The following PTCHD4 variants were observed in gnomAD, a reference collection of about 807,000 sequenced individuals.
PTCHD4 encodes the protein patched domain containing 4, also known as patched domain-containing protein 4.
In PTCHD4, 33 loss-of-function variants were observed where a neutral mutation model predicts 58.1. The observed-to-expected ratio is 0.57, with a 90% CI of 0.43 to 0.76. The LOEUF (loss-of-function observed/expected upper bound fraction) is 0.76. PTCHD4 is among the 30% of genes least tolerant of loss of function. PTCHD4 has a pLI of 0.00. For synonymous variants in PTCHD4, 478 were observed against 409.6 expected (o/e 1.17, Z -2.02); for missense variants, 1,058 against 1,027.1 (o/e 1.03, Z -0.41).
In PTCHD4 at chr6:47,895,674, A is replaced by G. The variant is rs111281193; in HGVS notation, c.899-15738T>C. Among the ~76,000 whole-genome samples, 354 of 152,286 alleles carry G rather than the reference A, an allele frequency of 2.3e-3. 4 individuals are homozygous for G. Among genetic ancestry groups the G allele is most frequent in the South Asian group, 0.017 (81 of 4,824 alleles). ...CTCCTTCCACGTGCCCAACAAGTAC[A>G]TAAGTTGCACAGATATTTTCTAGAA... On this transcript the variant is annotated intron_variant, in intron 4 of 4. Coordinates refer to ENST00000339488, the MANE Select transcript of PTCHD4 (RefSeq NM_001384253.1).
At chr6:47,947,743 G>A (rs1766479894) in intron 4 of PTCHD4, among the ~76,000 whole-genome samples, 1 of 151,762 alleles carries the variant, frequency 6.6e-6, no homozygotes, top group Non-Finnish European at 1.5e-5. Flanking sequence ...ATAAATATTT[G>A]GATATGGATA....
At chr6:48,070,788 A>G (rs1049159605) in intron 1 of PTCHD4, among the ~76,000 whole-genome samples, 2 of 152,178 alleles carry the variant, frequency 1.3e-5, no homozygotes, top group African/African-American at 2.4e-5. Context: ...CCACTGTCAG[A>G]TCTTTTTCTC....
chr6:47,943,535 C>T (rs796527727), intron 4 of PTCHD4, among the ~76,000 whole-genome samples: 21 of 152,196 alleles, frequency 1.4e-4, no homozygotes, highest in African/African-American at 4.6e-4. Flanking sequence ...GAGTCAATTA[C>T]AGTGCTTTAA....
At chr6:48,093,725 T>C (rs920109894) in intron 1 of PTCHD4, among the ~76,000 whole-genome samples, 5 of 148,998 alleles carry the variant, frequency 3.4e-5, no homozygotes, top group African/African-American at 1.3e-4. Flanking sequence ...ATTAATTAAC[T>C]ATAACTTTAA....
rs556886481 is a variant in PTCHD4, at chr6:48,045,701, T to C, written c.417+22529A>G. Among the ~76,000 whole-genome samples, 9 of 151,910 alleles carry C rather than the reference T, an allele frequency of 5.9e-5. No individual in the cohort carries two copies. In the South Asian group the frequency reaches 1.2e-3, roughly 21 times the overall value. ...AAAGGCTTGGAGATAACATCATTTA[T>C]TCAATATCACACAGCTATAAAGTAA... On this transcript the variant is annotated intron_variant, in intron 3 of 4. Transcript: ENST00000339488.
chr6:48,052,372 G>A (rs1023610856), intron 3 of PTCHD4, among the ~76,000 whole-genome samples: 9 of 151,852 alleles, frequency 5.9e-5, no homozygotes, highest in African/African-American at 2.2e-4. Flanking sequence ...GGAATGACTG[G>A]TTCTCCTTCT....
chr6:47,893,241 C>T (rs937505327), intron 4 of PTCHD4, among the ~76,000 whole-genome samples: 1 of 152,100 alleles, frequency 6.6e-6, no homozygotes, highest in African/African-American at 2.4e-5. Context: ...TATCTCTTGA[C>T]CTCATGATCT....
chr6:48,083,975 TC>T (rs1765213414), intron 1 of PTCHD4, among the ~76,000 whole-genome samples: 1 of 152,130 alleles, frequency 6.6e-6, no homozygotes, highest in African/African-American at 2.4e-5. Flanking sequence ...GAGCTAAATA[TC>T]TGTGAGATAA....
At chr6:48,110,122 A>G (rs1053366280) in intron 1 of PTCHD4, among the ~76,000 whole-genome samples, 12 of 152,172 alleles carry the variant, frequency 7.9e-5, no homozygotes, top group Non-Finnish European at 1.8e-4. Flanking sequence ...TTCAAAAGGA[A>G]AATGAAATCA....
Position 48,002,115 on chromosome 6 carries a change from G to A in PTCHD4, c.898+6519C>T, listed in dbSNP as rs1019284935. ...TCATTAAAAAGTCAGGAAACAACAG[G>A]TGCTGGAGAGGATGTGGAGAAATAG... is the stretch of plus-strand genomic sequence containing the variant. On this transcript the variant is annotated intron_variant, in intron 4 of 4. Transcript: ENST00000339488. Among the ~76,000 whole-genome samples the A allele has an allele frequency of 3.7e-4, 57 of 152,174 alleles. 1 individual carries two copies. Among genetic ancestry groups the A allele is most frequent in the Admixed American group, 2.7e-3 (42 of 15,284 alleles).
rs773331588 is a variant in PTCHD4 at position 47,878,380 on chromosome 6, G to T, written c.2455C>A (p.Arg819Ser). ...PSKKHHKKKK[R>S]AKRKEREEIE... Reference sequence around the variant, plus strand: ...TCCTCTCTCTCCTTTCGCTTGGCACGTTTCTTTTTCTTGTGGTGCTTTTTG... The same window carrying T: ...TCCTCTCTCTCCTTTCGCTTGGCACTTTTCTTTTTCTTGTGGTGCTTTTTG... Residue 819 changes from arginine (R) to serine (S), a missense_variant, in exon 5 of 5, where the codon CGT becomes AGT. Physicochemically the swap from Arg to Ser is moderately radical, Grantham distance 110. Transcript: ENST00000339488. 1 of 1,612,390 alleles carries T rather than the reference G, an allele frequency of 6.2e-7. No individual in the cohort carries two copies. The highest frequency in any genetic ancestry group is 8.5e-7 in the Non-Finnish European group (1 of 1,179,384).
At chr6:47,921,487 A>T (rs374946204) in intron 4 of PTCHD4, among the ~76,000 whole-genome samples, 13 of 152,318 alleles carry the variant, frequency 8.5e-5, no homozygotes, top group African/African-American at 2.9e-4. Context: ...CACTTGAAAT[A>T]AGACAATATT....
At chr6:48,090,743 A>G (rs1220234319) in intron 1 of PTCHD4, among the ~76,000 whole-genome samples, 2 of 152,236 alleles carry the variant, frequency 1.3e-5, no homozygotes, top group East Asian at 1.9e-4. Flanking sequence ...GCTGGGCTCC[A>G]TAAATGTTCA....
chr6:47,933,005 A>C (rs1765876077), intron 4 of PTCHD4, among the ~76,000 whole-genome samples: 1 of 152,228 alleles, frequency 6.6e-6, no homozygotes, highest in African/African-American at 2.4e-5. Flanking sequence ...GATGACACAT[A>C]ATGTAGGCCA....
chr6:47,902,902 T>C (rs1263439389), intron 4 of PTCHD4, among the ~76,000 whole-genome samples: 1 of 152,200 alleles, frequency 6.6e-6, no homozygotes, highest in African/African-American at 2.4e-5. Context: ...TGGAGCTCTC[T>C]AAAAAGAGCG....
intron 4 of PTCHD4, among the ~76,000 whole-genome samples, chr6:47,928,329 T>C (rs894013044): frequency 6.6e-6 from 1 of 152,152 alleles, no homozygotes; most frequent in African/African-American, 2.4e-5. Flanking sequence ...ATTATTTCTA[T>C]AAATAGGAAA....
chr6:47,933,071 G>C (rs770910010), intron 4 of PTCHD4, among the ~76,000 whole-genome samples: 14 of 152,210 alleles, frequency 9.2e-5, no homozygotes, highest in Non-Finnish European at 1.8e-4. Flanking sequence ...GTCAGGTAGT[G>C]AGAGTTCAAG....
At chr6:47,956,375 A>T (rs1476693059) in intron 4 of PTCHD4, among the ~76,000 whole-genome samples, 1 of 152,202 alleles carries the variant, frequency 6.6e-6, no homozygotes, top group Non-Finnish European at 1.5e-5. Context: ...CTTGCTCAGG[A>T]TCAAAGAGCT....
chr6:47,954,740 A>G (rs749553209), intron 4 of PTCHD4, among the ~76,000 whole-genome samples: 2 of 152,160 alleles, frequency 1.3e-5, no homozygotes, highest in Non-Finnish European at 2.9e-5. Context: ...TTCCTCCTAT[A>G]TGTTTTTCCA....
Sources: allele counts gnomAD v4.1 joint callset (sites outside exome capture counted in the v4.1 genomes callset), GRCh38; gene constraint gnomAD v4.1.1; transcripts MANE v1.5; gene names NCBI Gene and HGNC (gene_info 2026-07-23, HGNC 2026-07-21).